The following DENND2B variants were observed in gnomAD, a reference collection of about 807,000 sequenced individuals.
DENND2B encodes DENN domain-containing protein 2B.
Under a neutral mutation model 116.0 loss-of-function variants are expected in DENND2B, and 32 were observed. That is an observed-to-expected ratio of 0.28 (90% CI 0.21 to 0.37). DENND2B has a LOEUF of 0.37. DENND2B is among the 10% of genes least tolerant of loss of function. The pLI, the probability that DENND2B is intolerant of heterozygous loss-of-function variation, is 1.00. For synonymous variants in DENND2B, 588 were observed against 583.9 expected (o/e 1.01, Z -0.10); for missense variants, 1,276 against 1,477.7 (o/e 0.86, Z 2.24).
At chr11:8,719,566 C>T (rs1439518395) in intron 4 of DENND2B, among the ~76,000 whole-genome samples, 7 of 152,218 alleles carry the variant, frequency 4.6e-5, no homozygotes, top group Admixed American at 3.3e-4. Context: ...GCTGGCCCAG[C>T]AGCCCTGTCG....
intron 11 of DENND2B, among the ~76,000 whole-genome samples, chr11:8,709,450 G>C (rs1011191012): frequency 6.6e-6 from 1 of 152,220 alleles, no homozygotes; most frequent in East Asian, 1.9e-4. Context: ...CAAAGGAGCA[G>C]CTCTGCTCCA....
intron 3 of DENND2B, among the ~76,000 whole-genome samples, chr11:8,852,047 G>T (rs955663197): frequency 6.6e-6 from 1 of 152,204 alleles, no homozygotes; most frequent in Non-Finnish European, 1.5e-5. Context: ...AACAGTTGTT[G>T]CTTCTGGAGA....
intron 1 of DENND2B, among the ~76,000 whole-genome samples, chr11:8,792,105 T>G (rs12289240): frequency 0.27 from 36,850 of 138,684 alleles, 4,917 homozygotes; most frequent in South Asian, 0.39. Flanking sequence ...CTTGGGAGGC[T>G]GAGGCAGGAG....
intron 5 of DENND2B, among the ~76,000 whole-genome samples, chr11:8,716,873 C>T (rs2044936608): frequency 6.6e-6 from 1 of 152,188 alleles, no homozygotes; most frequent in Non-Finnish European, 1.5e-5. Context: ...GAACTCCTGA[C>T]CTCAGATGAT....
intron 1 of DENND2B, chr11:8,776,121 C>T: frequency 2.4e-6 from 1 of 416,538 alleles, no homozygotes; most frequent in Non-Finnish European, 4.9e-6. Context: ...CAGACTTGCA[C>T]ATGCACACAG....
intron 15 of DENND2B, 110 bp from the exon 16 acceptor site, chr11:8,699,084 C>T: frequency 5.2e-6 from 8 of 1,546,036 alleles, no homozygotes; most frequent in Non-Finnish European, 6.1e-6. Flanking sequence ...GGAAGTACTC[C>T]AGCCGGGGAT....
intron 2 of DENND2B, among the ~76,000 whole-genome samples, chr11:8,865,121 C>CTTATT (rs1555217939): frequency 6.6e-6 from 1 of 151,498 alleles, no homozygotes; most frequent in Non-Finnish European, 1.5e-5. Context: ...TTATTTCTAT[C>CTTATT]ATATTTGCAT....
At chr11:8,887,239 A>G (rs577900746) in intron 1 of DENND2B, among the ~76,000 whole-genome samples, 1 of 152,328 alleles carries the variant, frequency 6.6e-6, no homozygotes, top group East Asian at 1.9e-4. Context: ...ATTTTTCAAA[A>G]TATTTTGCAT....
At chr11:8,851,397 C>G (rs2063002099) in intron 3 of DENND2B, among the ~76,000 whole-genome samples, 1 of 152,072 alleles carries the variant, frequency 6.6e-6, no homozygotes, top group African/African-American at 2.4e-5. Flanking sequence ...AGAAAATATT[C>G]AAGCTCCATA....
chr11:8,730,306 C>A lies in DENND2B; in HGVS notation c.984G>T (p.Gly328=). The change falls in exon 3 of 20, where the codon GGG becomes GGT. Residue 328 remains glycine (G), a synonymous_variant. Transcript: ENST00000313726. The surrounding 1 kb of genome is among the most constrained non-coding windows in gnomAD (Gnocchi z 4.1). Reference sequence around the variant, plus strand: ...GGCTGCCAGCGCTCACACTCGCGCCCCCTGCCGGCTCCTCCAAGGAGCCCA... The same window carrying A: ...GGCTGCCAGCGCTCACACTCGCGCCACCTGCCGGCTCCTCCAAGGAGCCCA... ...GTLGSLEEPA[G]GASVSAGSRA... 6.2e-7 allele frequency: 1 copy of A among 1,603,286 alleles called. No homozygotes were observed.
chr11:8,774,450 C>G (rs759858595), intron 1 of DENND2B: 20 of 542,750 alleles, frequency 3.7e-5, no homozygotes, highest in Non-Finnish European at 4.5e-5. Context: ...CTAAGGGTTA[C>G]AGGGATCCAT....
At chr11:8,836,895 T>A (rs920043025) in intron 4 of DENND2B, among the ~76,000 whole-genome samples, 2 of 152,218 alleles carry the variant, frequency 1.3e-5, no homozygotes, top group Non-Finnish European at 2.9e-5. Context: ...TTCGTATTTC[T>A]TATAGAGCTG....
At chr11:8,891,932 A>G (rs1434718375) in intron 1 of DENND2B, among the ~76,000 whole-genome samples, 1 of 152,202 alleles carries the variant, frequency 6.6e-6, no homozygotes, top group Admixed American at 6.5e-5. Context: ...AATCAACAGA[A>G]TATACTTTCT....
chr11:8,806,667 T>C (rs1268885909), intron 1 of DENND2B, among the ~76,000 whole-genome samples: 1 of 105,684 alleles, frequency 9.5e-6, no homozygotes, highest in East Asian at 3.0e-4. Context: ...GGCCTATGGC[T>C]AGAAATAGAG....
At chr11:8,894,242 T>A (rs1209903678) in intron 1 of DENND2B, among the ~76,000 whole-genome samples, 2 of 152,166 alleles carry the variant, frequency 1.3e-5, no homozygotes, top group Non-Finnish European at 2.9e-5. Context: ...TATACAAAAA[T>A]TAATTCAAGA....
chr11:8,852,987 G>A (rs1168682151), intron 3 of DENND2B, among the ~76,000 whole-genome samples: 1 of 152,176 alleles, frequency 6.6e-6, no homozygotes. Flanking sequence ...TAACCCCAAG[G>A]TGATGGTATT....
intron 4 of DENND2B, among the ~76,000 whole-genome samples, chr11:8,833,224 C>A (rs755388222): frequency 3.7e-4 from 56 of 152,198 alleles, no homozygotes; most frequent in Admixed American, 6.5e-4. Context: ...GAAGCCTGTG[C>A]TTCCTCCAAA....
intron 2 of DENND2B, among the ~76,000 whole-genome samples, chr11:8,737,428 G>A (rs2049256624): frequency 6.6e-6 from 1 of 152,108 alleles, no homozygotes; most frequent in Non-Finnish European, 1.5e-5. Context: ...CAACAACTAA[G>A]TAAGAGAAGG....
rs551890269 is a variant in DENND2B at position 8,740,274 on chromosome 11, G to A, written c.81-9065C>T. Among the ~76,000 whole-genome samples the A allele has an allele frequency of 1.8e-4, 27 of 152,068 alleles. 1 individual carries two copies. The highest frequency in any genetic ancestry group is 3.5e-4 in the Non-Finnish European group (24 of 68,024). On this transcript the variant is annotated intron_variant, in intron 2 of 19. Coordinates refer to ENST00000313726, the MANE Select transcript of DENND2B (RefSeq NM_213618.2). ...GCATGCACATAGACAGAAAGTGAGA[G>A]TTAAAGTGCATAATAAATATTCCCT...
Sources: allele counts gnomAD v4.1 joint callset (sites outside exome capture counted in the v4.1 genomes callset), GRCh38; gene constraint gnomAD v4.1.1; non-coding constraint Gnocchi (gnomAD v3.1); transcripts MANE v1.5; gene names NCBI Gene and HGNC (gene_info 2026-07-23, HGNC 2026-07-21).